The following DPP10 variants were observed in gnomAD, a reference collection of about 807,000 sequenced individuals.
DPP10 encodes the protein inactive dipeptidyl peptidase 10.
A neutral mutation model predicts 120.9 loss-of-function variants in DPP10; 33 were observed. The ratio of observed to expected loss-of-function variants is 0.27; its 90% confidence interval spans 0.21 to 0.37. The LOEUF is 0.37. Among genes scored for constraint, DPP10 ranks in the 10% least tolerant of loss-of-function variants. DPP10 has a pLI of 1.00. For missense variants in DPP10, 816 were observed against 942.8 expected (o/e 0.87, Z 1.76); for synonymous variants, 337 against 326.1 (o/e 1.03, Z -0.36).
chr2:115,470,432 C>G (rs1208992519), intron 3 of DPP10, among the ~76,000 whole-genome samples: 1 of 152,106 alleles, frequency 6.6e-6, no homozygotes, highest in African/African-American at 2.4e-5. Flanking sequence ...ACCTGGCCAT[C>G]AAATCATAGC....
At chr2:115,286,345 A>G (rs976008011) in intron 1 of DPP10, among the ~76,000 whole-genome samples, 1 of 150,776 alleles carries the variant, frequency 6.6e-6, no homozygotes, top group South Asian at 2.1e-4. Context: ...ATGAAGATTT[A>G]AAAGCATTTA....
At chr2:115,723,659 A>C (rs1425070118) in intron 7 of DPP10, among the ~76,000 whole-genome samples, 8 of 141,032 alleles carry the variant, frequency 5.7e-5, no homozygotes, top group African/African-American at 2.1e-4. Flanking sequence ...TCCCAGGTTT[A>C]GGATTGCTGG....
intron 1 of DPP10, among the ~76,000 whole-genome samples, chr2:114,463,760 T>A (rs1679122493): frequency 6.6e-6 from 1 of 152,178 alleles, no homozygotes; most frequent in Non-Finnish European, 1.5e-5. Flanking sequence ...TGGAATACTC[T>A]CGCCACCCTA....
intron 5 of DPP10, among the ~76,000 whole-genome samples, chr2:115,545,080 A>G (rs1349021446): frequency 6.6e-6 from 1 of 152,062 alleles, no homozygotes; most frequent in Non-Finnish European, 1.5e-5. Flanking sequence ...AGTGACAAAA[A>G]AATCTAGGCA....
At chr2:115,031,700 A>AT (rs932895651) in intron 1 of DPP10, among the ~76,000 whole-genome samples, 10 of 152,136 alleles carry the variant, frequency 6.6e-5, no homozygotes, top group Admixed American at 3.3e-4. Context: ...AAACACCTTA[A>AT]TTTTTTTTTA....
chr2:114,798,795 A>AT (rs1683932716), intron 1 of DPP10, among the ~76,000 whole-genome samples: 1 of 152,206 alleles, frequency 6.6e-6, no homozygotes, highest in African/African-American at 2.4e-5. Context: ...TCACTTTTCC[A>AT]TTTTTGTGTT....
intron 3 of DPP10, among the ~76,000 whole-genome samples, chr2:115,430,077 A>G (rs905987836): frequency 6.6e-6 from 1 of 152,224 alleles, no homozygotes; most frequent in East Asian, 1.9e-4. Flanking sequence ...ACTAGTTGGG[A>G]AATAAATTAA....
At chr2:114,766,188 G>T (rs943386069) in intron 1 of DPP10, among the ~76,000 whole-genome samples, 4 of 151,912 alleles carry the variant, frequency 2.6e-5, no homozygotes, top group Non-Finnish European at 4.4e-5. Context: ...ATTTGGAAAA[G>T]ACCTAAATGG....
At chr2:114,985,360 C>G (rs1041647395) in intron 1 of DPP10, among the ~76,000 whole-genome samples, 14 of 152,140 alleles carry the variant, frequency 9.2e-5, no homozygotes, top group Non-Finnish European at 1.9e-4. Context: ...TATTTATTTT[C>G]TATCACATCA....
intron 3 of DPP10, among the ~76,000 whole-genome samples, chr2:115,483,666 A>T (rs1391125679): frequency 6.6e-6 from 1 of 152,118 alleles, no homozygotes; most frequent in African/African-American, 2.4e-5. Flanking sequence ...AGCAATAAAA[A>T]ATGTACTCTC....
Position 115,753,246 on chromosome 2 carries a change from G to A in DPP10, c.1023G>A (p.Gln341=). The A allele has an allele frequency of 6.2e-7, 1 of 1,612,084 alleles. No homozygotes were observed. Among genetic ancestry groups the A allele is most frequent in the Non-Finnish European group, 8.5e-7 (1 of 1,178,680 alleles). The change falls in exon 11 of 26, where the codon CAG becomes CAA. Residue 341 remains glutamine, a synonymous_variant. Coordinates refer to ENST00000410059, the MANE Select transcript of DPP10 (RefSeq NM_020868.6). ...KTVVRWLNRA[Q]NISILTVCET... ...TGGTAAGATGGTTAAACCGAGCTCA[G>A]AACATCTCCATCCTCACAGTCTGTG...
intron 1 of DPP10, among the ~76,000 whole-genome samples, chr2:114,594,868 GTC>G (rs1691775840): frequency 6.6e-6 from 1 of 151,832 alleles, no homozygotes; most frequent in African/African-American, 2.4e-5. Context: ...TACCTTTCCT[GTC>G]TCTGTGGTGC....
chr2:115,832,585 G>C (rs1020936270), intron 21 of DPP10, among the ~76,000 whole-genome samples: 1 of 151,866 alleles, frequency 6.6e-6, no homozygotes, highest in Non-Finnish European at 1.5e-5. Flanking sequence ...GCTATAAATA[G>C]AATTTTATTC....
intron 1 of DPP10, among the ~76,000 whole-genome samples, chr2:114,847,480 C>T (rs1688632494): frequency 6.6e-6 from 1 of 152,186 alleles, no homozygotes; most frequent in African/African-American, 2.4e-5. Flanking sequence ...GGGACACATT[C>T]TTAAGCATCT....
intron 3 of DPP10, among the ~76,000 whole-genome samples, chr2:115,381,048 G>C (rs558324540): frequency 6.6e-6 from 1 of 152,002 alleles, no homozygotes; most frequent in Non-Finnish European, 1.5e-5. Context: ...TGCTCTTCTC[G>C]TGGAGTATCT....
intron 1 of DPP10, among the ~76,000 whole-genome samples, chr2:114,780,969 C>T (rs1291447449): frequency 6.6e-6 from 1 of 152,164 alleles, no homozygotes; most frequent in East Asian, 1.9e-4. Context: ...TTTGCATGTA[C>T]TTGTCATATC....
intron 3 of DPP10, among the ~76,000 whole-genome samples, chr2:115,408,257 C>T (rs748371006): frequency 6.6e-6 from 1 of 152,076 alleles, no homozygotes; most frequent in African/African-American, 2.4e-5. Context: ...AGGCCAGGCT[C>T]CTCCGCCCTG....
intron 1 of DPP10, among the ~76,000 whole-genome samples, chr2:115,250,418 TC>T (rs2058706512): frequency 6.6e-6 from 1 of 152,092 alleles, no homozygotes; most frequent in African/African-American, 2.4e-5. Flanking sequence ...GGGGGACATA[TC>T]GAACCATGTG....
At chr2:114,682,831 T>C (rs1006454541) in intron 1 of DPP10, among the ~76,000 whole-genome samples, 1 of 151,816 alleles carries the variant, frequency 6.6e-6, no homozygotes, top group Admixed American at 6.6e-5. Context: ...GAATCACATA[T>C]AGATATAGAT....
Sources: gnomAD v4.1 joint callset for allele counts (sites outside exome capture counted in the v4.1 genomes callset) on GRCh38, gnomAD v4.1.1 for gene constraint, MANE v1.5 for transcripts, NCBI Gene and HGNC (gene_info 2026-07-23, HGNC 2026-07-21) for gene names.